LSAMP: variants seen among roughly 807,000 people sequenced by gnomAD.
LSAMP encodes limbic system-associated membrane protein.
A neutral mutation model predicts 38.6 loss-of-function variants in LSAMP; 7 were observed. That is an observed-to-expected ratio of 0.18 (90% CI 0.10 to 0.34). The LOEUF (loss-of-function observed/expected upper bound fraction) is 0.34. Among genes scored for constraint, LSAMP ranks in the 10% least tolerant of loss-of-function variants. LSAMP has a pLI of 1.00. For synonymous variants in LSAMP, 154 were observed against 166.8 expected (o/e 0.92, Z 0.59); for missense variants, 313 against 420.0 (o/e 0.75, Z 2.23).
intron 1 of LSAMP, among the ~76,000 whole-genome samples, chr3:116,376,344 G>A (rs541665037): frequency 6.6e-6 from 1 of 152,102 alleles, no homozygotes; most frequent in East Asian, 1.9e-4. Context: ...ATGGAAAAGG[G>A]ATTCCTTCTT....
chr3:116,406,022 A>C (rs1268978521), intron 1 of LSAMP, among the ~76,000 whole-genome samples: 2 of 152,124 alleles, frequency 1.3e-5, no homozygotes, highest in Non-Finnish European at 2.9e-5. Context: ...CTTTGCTGCA[A>C]ATTCAAATGA....
At chr3:116,143,031 T>C (rs1709408031) in intron 1 of LSAMP, among the ~76,000 whole-genome samples, 1 of 148,944 alleles carries the variant, frequency 6.7e-6, no homozygotes, top group Non-Finnish European at 1.5e-5. Flanking sequence ...ATATATTATC[T>C]ATAATATATA....
intron 2 of LSAMP, among the ~76,000 whole-genome samples, chr3:116,049,388 A>G (rs1032910354): frequency 6.6e-6 from 1 of 152,216 alleles, no homozygotes; most frequent in East Asian, 1.9e-4. Flanking sequence ...AGTGACAATT[A>G]GTTGGGAAAT....
Position 116,278,783 on chromosome 3 carries a change from A to G in LSAMP, c.155+166094T>C, listed in dbSNP as rs557757158. Among the ~76,000 whole-genome samples the G allele has an allele frequency of 5.3e-5, 8 of 152,318 alleles. No homozygotes were observed. In the East Asian group the frequency reaches 9.6e-4, roughly 18 times the overall value. ...CTCAGTAGATTTTTGTTGAATAGAT[A>G]TTTGATAAATACAATTTTATTAAAT... On this transcript the variant is annotated intron_variant, in intron 1 of 6. Coordinates refer to ENST00000490035, the MANE Select transcript of LSAMP (RefSeq NM_002338.5).
chr3:116,190,707 A>G (rs1232020849), intron 1 of LSAMP, among the ~76,000 whole-genome samples: 1 of 152,216 alleles, frequency 6.6e-6, no homozygotes, highest in East Asian at 1.9e-4. Flanking sequence ...CATTTTGTTA[A>G]CAAGCCTTCT....
chr3:116,064,769 T>G (rs563220220), intron 2 of LSAMP, among the ~76,000 whole-genome samples: 2 of 152,172 alleles, frequency 1.3e-5, no homozygotes, highest in Non-Finnish European at 2.9e-5. Flanking sequence ...TATTGTTGCA[T>G]TCTTTATAGA....
chr3:116,164,855 G>A (rs1181647352), intron 1 of LSAMP, among the ~76,000 whole-genome samples: 1 of 148,340 alleles, frequency 6.7e-6, no homozygotes, highest in African/African-American at 2.5e-5. Context: ...GAGTATGAAG[G>A]AGTCATTCCT....
intron 2 of LSAMP, among the ~76,000 whole-genome samples, chr3:116,064,444 A>G (rs1375090520): frequency 6.6e-6 from 1 of 151,220 alleles, no homozygotes; most frequent in Admixed American, 6.6e-5. Context: ...GAACCTGGGA[A>G]GCAGAAGTTG....
At chr3:116,410,934 T>C (rs2048966646) in intron 1 of LSAMP, among the ~76,000 whole-genome samples, 2 of 152,092 alleles carry the variant, frequency 1.3e-5, no homozygotes, top group African/African-American at 4.8e-5. Flanking sequence ...CTCCAGGCCA[T>C]AGGTGGCTGG....
At chr3:115,966,127 T>C (rs1383413462) in intron 3 of LSAMP, among the ~76,000 whole-genome samples, 2 of 152,200 alleles carry the variant, frequency 1.3e-5, no homozygotes, top group Non-Finnish European at 2.9e-5. Context: ...ATAAAAGTGT[T>C]CTGTACATCT....
chr3:116,255,168 T>G (rs2046733654), intron 1 of LSAMP, among the ~76,000 whole-genome samples: 2 of 152,124 alleles, frequency 1.3e-5, no homozygotes, highest in Non-Finnish European at 2.9e-5. Flanking sequence ...GTAGTGATGT[T>G]TGTTTTAATA....
At chr3:116,114,173 T>C (rs531377229) in intron 1 of LSAMP, among the ~76,000 whole-genome samples, 2 of 152,276 alleles carry the variant, frequency 1.3e-5, no homozygotes, top group East Asian at 3.9e-4. Flanking sequence ...CTCCAAAGAC[T>C]CCCTATACCT....
At chr3:115,942,961 C>T (rs1937975944) in intron 3 of LSAMP, among the ~76,000 whole-genome samples, 2 of 151,982 alleles carry the variant, frequency 1.3e-5, no homozygotes, top group South Asian at 4.1e-4. Context: ...GAGCTAGGCT[C>T]AAATAAAAAC....
At chr3:115,945,998 C>G (rs1399669443) in intron 3 of LSAMP, among the ~76,000 whole-genome samples, 1 of 152,098 alleles carries the variant, frequency 6.6e-6, no homozygotes, top group Non-Finnish European at 1.5e-5. Context: ...TAGAGCATCC[C>G]TTGAAAACTC....
Position 116,445,463 on chromosome 3 carries a change from G to A in LSAMP, c.-432C>T. ...GGGAGCCGGCACCAAGCCTGCCAGT[G>A]AGTGTACAGAAACAGCCACACAGCA... On this transcript the variant is annotated 5_prime_UTR_variant, in exon 1 of 7. Transcript: ENST00000490035. 1 of 447,744 alleles carries A rather than the reference G, an allele frequency of 2.2e-6. No individual in the cohort carries two copies. The highest frequency in any genetic ancestry group is 5.6e-4 in the Middle Eastern group (1 of 1,788). The allele number at this position is 447,744 out of a possible 1,614,324, so 27.7% of individuals were successfully genotyped here.
rs1023796524 is a variant in LSAMP at position 115,806,848 on chromosome 3, T to C, written c.*3469A>G. On this transcript the variant is annotated 3_prime_UTR_variant, in exon 7 of 7. Transcript: ENST00000490035. ...CAAGGCAAAACCTTTGCTCAACAAT[T>C]GCACAGAGCATAATTACAATTCTGC... 3 of 152,186 alleles carry C rather than the reference T, an allele frequency of 2.0e-5. No individual in the cohort carries two copies. The highest frequency in any genetic ancestry group is 2.9e-5 in the Non-Finnish European group (2 of 68,020). The allele number at this position is 152,186 out of a possible 1,614,324, so 9.4% of individuals were successfully genotyped here.
At chr3:116,119,993 A>C (rs889876489) in intron 1 of LSAMP, among the ~76,000 whole-genome samples, 1 of 152,150 alleles carries the variant, frequency 6.6e-6, no homozygotes, top group African/African-American at 2.4e-5. Flanking sequence ...TATAAAGAGG[A>C]GGCCATGTCA....
intron 3 of LSAMP, among the ~76,000 whole-genome samples, chr3:115,939,584 C>CTTTCTCTT (rs1576237854): frequency 7.6e-6 from 1 of 131,804 alleles, no homozygotes. Context: ...TTCTTTCTTT[C>CTTTCTCTT]TGTTAAGAGA....
intron 3 of LSAMP, among the ~76,000 whole-genome samples, chr3:115,978,383 G>A (rs563167702): frequency 1.3e-5 from 2 of 152,126 alleles, no homozygotes; most frequent in East Asian, 1.9e-4. Context: ...GAAACTCAAG[G>A]TAAATGAGGC....
Sources: gnomAD v4.1 joint callset for allele counts (sites outside exome capture counted in the v4.1 genomes callset) on GRCh38, gnomAD v4.1.1 for gene constraint, MANE v1.5 for transcripts, NCBI Gene and HGNC (gene_info 2026-07-23, HGNC 2026-07-21) for gene names.